VPS29: variants seen among roughly 807,000 people sequenced by gnomAD.
The protein encoded by VPS29 is VPS29 retromer complex component.
In VPS29, 2 loss-of-function variants were observed where a neutral mutation model predicts 20.0. The ratio of observed to expected loss-of-function variants is 0.10; its 90% CI spans 0.04 to 0.31. The LOEUF (loss-of-function observed/expected upper bound fraction) is 0.31. VPS29 is among the 10% of genes least tolerant of loss of function. The probability of loss-of-function intolerance (pLI) is 1.00; values close to 1 mark genes in which losing one functional copy is unlikely to be tolerated. For synonymous variants in VPS29, 81 were observed against 79.3 expected (o/e 1.02, Z -0.12); for missense variants, 120 against 215.3 (o/e 0.56, Z 2.77).
At chr12:110,498,331 T>G (rs917871179) in intron 1 of VPS29, among the ~76,000 whole-genome samples, 2 of 152,178 alleles carry the variant, frequency 1.3e-5, no homozygotes, top group African/African-American at 2.4e-5. Context: ...TACAAAATGT[T>G]TTCCTTTACA....
At chr12:110,496,478 T>C (rs1486008932) in intron 1 of VPS29, 2 of 262,542 alleles carry the variant, frequency 7.6e-6, no homozygotes, top group Non-Finnish European at 1.4e-5. Flanking sequence ...TCTAAATCAA[T>C]CTTATTTTGG....
Position 110,493,010 on chromosome 12 carries a change from A to G in VPS29, c.417T>C (p.Tyr139=). The change falls in exon 3 of 4, where the codon TAT becomes TAC. Residue 139 remains tyrosine, a synonymous_variant. Coordinates refer to ENST00000549578, the MANE Select transcript of VPS29 (RefSeq NM_016226.5). ...YINPGSATGA[Y]NALETNIIPS... is the part of the protein sequence containing the mutation. The stretch of plus-strand genomic sequence containing the variant: ...ATACTACTCACGTTTCCAAGGCATT[A>G]TATGCCCCAGTGGCAGAACCTGGAT... 1 of 1,612,740 alleles carries G rather than the reference A, an allele frequency of 6.2e-7. No individual in the cohort carries two copies. Among genetic ancestry groups the G allele is most frequent in the African/African-American group, 1.3e-5 (1 of 74,976 alleles).
At chr12:110,501,964 C>T (rs1395965080) in intron 1 of VPS29, 85 bp downstream of exon 1, 1 of 1,611,506 alleles carries the variant, frequency 6.2e-7, no homozygotes, top group Non-Finnish European at 8.5e-7. Flanking sequence ...TTCCCAATTC[C>T]TCGCCCTCGG....
chr12:110,493,305 AT>A, intron 2 of VPS29, 74 bp from the exon 3 acceptor site: 1 of 1,110,708 alleles, frequency 9.0e-7, no homozygotes, highest in Admixed American at 3.4e-5. Context: ...GTTTCCTTAA[AT>A]ATTCAATCTC....
In VPS29 at chr12:110,496,050, C is replaced by T; in HGVS notation, c.157G>A (p.Ala53Thr). The change falls in exon 2 of 4, where the codon GCT becomes ACT. Residue 53 changes from alanine (A) to threonine (T), a missense_variant. Coordinates refer to ENST00000549578, the MANE Select transcript of VPS29 (RefSeq NM_016226.5). ...CCTCTCACAATATGAACATCACCAG[C>T]CAGAGTCTTGAGATAGTCATAACTC... ...KESYDYLKTL[A>T]GDVHIVRGDF... 1 of 1,605,650 alleles carries T rather than the reference C, an allele frequency of 6.2e-7. No homozygotes were observed. The highest frequency in any genetic ancestry group is 8.5e-7 in the Non-Finnish European group (1 of 1,173,226).
Position 110,492,019 on chromosome 12 carries a change from A to G in VPS29, c.535T>C (p.Tyr179His), listed in dbSNP as rs2062824132. 6.2e-7 allele frequency: 1 copy of G among 1,613,594 alleles called. No homozygotes were observed. Among genetic ancestry groups the G allele is most frequent in the Non-Finnish European group, 8.5e-7 (1 of 1,179,892 alleles). ...GDDVKVERIE[Y>H]KKP ...CAGGCCTGGCTTTAAGGTTTTTTGT[A>G]TTCGATTCGTTCTACTTTCACATCA... The change falls in exon 4 of 4, where the codon TAC (tyrosine) becomes CAC (histidine). Residue 179 changes from tyrosine to histidine, a missense_variant. Coordinates refer to ENST00000549578, the MANE Select transcript of VPS29 (RefSeq NM_016226.5).
rs189897141 is a variant in VPS29 at position 110,497,470 on chromosome 12, G to A, written c.4-1267C>T. 3.5e-3 allele frequency among the ~76,000 whole-genome samples: 531 copies of A among 151,508 alleles called. 2 individuals are homozygous for A. Among genetic ancestry groups the A allele is most frequent in the African/African-American group, 0.012 (494 of 41,392 alleles). ...GACCTCAGGTGATCCACCTGCCTCCGCCTCCCAAAGTGCTAGGATTACAGG... is the reference window on the plus strand; with the variant it reads ...GACCTCAGGTGATCCACCTGCCTCCACCTCCCAAAGTGCTAGGATTACAGG... On this transcript the variant is annotated intron_variant, in intron 1 of 3. Coordinates refer to ENST00000549578, the MANE Select transcript of VPS29 (RefSeq NM_016226.5).
intron 2 of VPS29, among the ~76,000 whole-genome samples, chr12:110,493,567 G>A (rs542773510): frequency 6.6e-6 from 1 of 152,050 alleles, no homozygotes; most frequent in South Asian, 2.1e-4. Flanking sequence ...TCACCATGTT[G>A]GCCAGGCTGG....
intron 1 of VPS29, chr12:110,501,698 G>T (rs1445693001): frequency 7.2e-7 from 1 of 1,382,428 alleles, no homozygotes; most frequent in Non-Finnish European, 9.9e-7. Flanking sequence ...TCTGGAAACG[G>T]AGGACCGTGC....
Position 110,500,841 on chromosome 12 carries a change from T to TTGCCCCA in VPS29, c.3+1201_3+1207dup, listed in dbSNP as rs199682013. Among the ~76,000 whole-genome samples the TTGCCCCA allele has an allele frequency of 6.1e-3, 921 of 151,200 alleles. 15 individuals carry two copies. The highest frequency in any genetic ancestry group is 0.021 in the African/African-American group (852 of 41,146). On this transcript the variant is annotated intron_variant, in intron 1 of 3. Transcript: ENST00000549578. The stretch of plus-strand genomic sequence containing the variant: ...CAGGGTGGAAGGGGACCCGAGTGGG[T>TTGCCCCA]TGCCCCAAACAATTGACTTTTTAAG...
chr12:110,493,250 G>GTA lies in VPS29; in HGVS notation c.196-21_196-20dup. On this transcript the variant is annotated intron_variant, in intron 2 of 3. Coordinates refer to ENST00000549578, the MANE Select transcript of VPS29 (RefSeq NM_016226.5). ...TCAGATTCTAACATAAGAAAAAGAC[G>GTA]TAAGAAAATATGTATTTTAGAGATA... 1 of 1,433,472 alleles carries GTA rather than the reference G, an allele frequency of 7.0e-7. No homozygotes were observed. The highest frequency in any genetic ancestry group is 9.2e-7 in the Non-Finnish European group (1 of 1,083,074). The allele number at this position is 1,433,472 out of a possible 1,614,324, so 88.8% of individuals were successfully genotyped here. A position where few individuals can be genotyped will look rare whatever the true frequency, so the allele number is the denominator to read the frequency against.
intron 3 of VPS29, 72 bp downstream of exon 3, chr12:110,492,924 T>C: frequency 7.3e-7 from 1 of 1,376,208 alleles, no homozygotes; most frequent in South Asian, 1.4e-5. Flanking sequence ...CCAGCCACAT[T>C]TCTTTTACGA....
chr12:110,501,477 C>T (rs1459316161), intron 1 of VPS29: 4 of 1,535,480 alleles, frequency 2.6e-6, no homozygotes, highest in Admixed American at 2.0e-5. Context: ...GCGCCAAATC[C>T]CGCCCTCTGA....
At chr12:110,496,518 G>A (rs1452663055) in intron 1 of VPS29, 1 of 190,260 alleles carries the variant, frequency 5.3e-6, no homozygotes, top group Non-Finnish European at 1.1e-5. Context: ...TAAAATACAG[G>A]TAATCATTCT....
chr12:110,499,640 CAA>C (rs376108608), intron 1 of VPS29: 1,404 of 631,980 alleles, frequency 2.2e-3, no homozygotes, highest in South Asian at 3.9e-3. Flanking sequence ...AAAAAGAAAC[CAA>C]AAAAAAAAAA....
chr12:110,501,707 GCCCCTAT>G, intron 1 of VPS29: 1 of 1,323,350 alleles, frequency 7.6e-7, no homozygotes, highest in Non-Finnish European at 1.0e-6. Flanking sequence ...GGAGGACCGT[GCCCCTAT>G]CCCCGGAACA....
intron 1 of VPS29, chr12:110,501,489 A>T: frequency 6.5e-7 from 1 of 1,535,464 alleles, no homozygotes; most frequent in South Asian, 1.2e-5. Flanking sequence ...GCCCTCTGAG[A>T]GCACACCTGC....
chr12:110,501,936 C>T (rs546484346), intron 1 of VPS29, 113 bp downstream of exon 1: 92 of 1,603,158 alleles, frequency 5.7e-5, no homozygotes, highest in Admixed American at 8.5e-5. Flanking sequence ...TGGGCCCTGA[C>T]GCCGAGGCCT....
chr12:110,501,793 G>C lies in VPS29; in HGVS notation c.3+256C>G, dbSNP rs759957398. ...TGTCTCGTGACAGGTCGGGCTGCTAGAGGGGCCTTTTTACCCCTTGGATGG... is the reference window on the plus strand; with the variant it reads ...TGTCTCGTGACAGGTCGGGCTGCTACAGGGGCCTTTTTACCCCTTGGATGG... On this transcript the variant is annotated intron_variant, in intron 1 of 3. Coordinates refer to ENST00000549578, the MANE Select transcript of VPS29 (RefSeq NM_016226.5). The C allele has an allele frequency of 2.7e-6, 3 of 1,095,648 alleles. No homozygotes were observed. The African/African-American group carries it at 4.7e-5, about 17-fold the overall frequency. The allele number at this position is 1,095,648 out of a possible 1,614,324, so 67.9% of individuals were successfully genotyped here.
Sources: allele counts gnomAD v4.1 joint callset (sites outside exome capture counted in the v4.1 genomes callset), GRCh38; gene constraint gnomAD v4.1.1; transcripts MANE v1.5; gene names NCBI Gene and HGNC (gene_info 2026-07-23, HGNC 2026-07-21).